The following DCC variants were observed in gnomAD, a reference collection of about 807,000 sequenced individuals.
DCC encodes DCC netrin 1 receptor.
A neutral mutation model predicts 172.5 loss-of-function variants in DCC; 58 were observed. That is an observed-to-expected ratio of 0.34 (90% CI 0.27 to 0.42). The LOEUF (loss-of-function observed/expected upper bound fraction) is 0.42, where lower values mean the gene tolerates loss of function less well. DCC is among the 10% of genes least tolerant of loss of function. DCC has a pLI of 1.00. For missense variants in DCC, 1,740 were observed against 1,791.0 expected, an observed-to-expected ratio of 0.97 and a Z score of 0.51; for synonymous variants, 709 against 644.5, an observed-to-expected ratio of 1.10 and a Z score of -1.52.
At chr18:52,814,620 C>G (rs1044413745) in intron 2 of DCC, among the ~76,000 whole-genome samples, 18 of 152,266 alleles carry the variant, frequency 1.2e-4, no homozygotes, top group African/African-American at 4.1e-4. Flanking sequence ...AGTATTTACT[C>G]AAATGTAATA....
intron 14 of DCC, among the ~76,000 whole-genome samples, chr18:53,336,302 C>A (rs1194275938): frequency 6.6e-6 from 1 of 152,156 alleles, no homozygotes; most frequent in East Asian, 1.9e-4. Context: ...TTTTATAGTT[C>A]ATTCCAGTAG....
intron 5 of DCC, among the ~76,000 whole-genome samples, chr18:52,940,079 G>A (rs903228190): frequency 6.6e-6 from 1 of 152,152 alleles, no homozygotes; most frequent in Non-Finnish European, 1.5e-5. Flanking sequence ...AGGAAACTGT[G>A]CCTTAGTAAG....
intron 1 of DCC, among the ~76,000 whole-genome samples, chr18:52,505,227 C>T (rs1207823350): frequency 1.3e-5 from 2 of 152,138 alleles, no homozygotes; most frequent in African/African-American, 4.8e-5. Context: ...TATTCAGTTT[C>T]CACCTCAGTA....
chr18:53,124,359 A>C (rs1045071159), intron 7 of DCC, among the ~76,000 whole-genome samples: 2 of 152,104 alleles, frequency 1.3e-5, no homozygotes, highest in African/African-American at 4.8e-5. Flanking sequence ...ATACATAATA[A>C]ACAGGCAAAT....
chr18:53,368,918 T>C (rs910583848), intron 15 of DCC, among the ~76,000 whole-genome samples: 3 of 151,958 alleles, frequency 2.0e-5, no homozygotes, highest in Non-Finnish European at 4.4e-5. Flanking sequence ...TTTTGGCTAT[T>C]TGGACTCCTT....
chr18:52,986,022 T>C (rs761524128), intron 5 of DCC, among the ~76,000 whole-genome samples: 4 of 152,186 alleles, frequency 2.6e-5, no homozygotes, highest in Admixed American at 6.5e-5. Context: ...TTTGTTATTT[T>C]CTCAAGGTTT....
intron 15 of DCC, among the ~76,000 whole-genome samples, chr18:53,348,107 A>C (rs1446181906): frequency 2.0e-5 from 3 of 152,322 alleles, no homozygotes; most frequent in Non-Finnish European, 4.4e-5. Context: ...AAAAGTCCAC[A>C]GTCCAATGTC....
intron 2 of DCC, among the ~76,000 whole-genome samples, chr18:52,806,799 G>T (rs12970827): frequency 1.1e-3 from 165 of 152,074 alleles, no homozygotes; most frequent in Admixed American, 2.0e-3. Flanking sequence ...GAAGTTAGAG[G>T]TTCTTCAGAA....
At chr18:52,751,004 G>T (rs772741365) in intron 1 of DCC, among the ~76,000 whole-genome samples, 9 of 152,190 alleles carry the variant, frequency 5.9e-5, no homozygotes, top group Admixed American at 1.3e-4. Context: ...CATCTCTTCT[G>T]CATTTTCACA....
chr18:53,397,147 G>A (rs1909004345), intron 17 of DCC, among the ~76,000 whole-genome samples, 161 bp from the exon 18 acceptor site: 1 of 151,856 alleles, frequency 6.6e-6, no homozygotes, highest in South Asian at 2.1e-4. Context: ...GCGTGAACTG[G>A]TTAATAGATG....
intron 1 of DCC, among the ~76,000 whole-genome samples, chr18:52,471,672 A>G (rs1304176674): frequency 2.0e-5 from 3 of 152,204 alleles, no homozygotes; most frequent in Non-Finnish European, 4.4e-5. Context: ...GTGAACCTGT[A>G]GTAAATATAT....
chr18:52,984,225 T>G (rs2041257012), intron 5 of DCC, among the ~76,000 whole-genome samples: 1 of 152,130 alleles, frequency 6.6e-6, no homozygotes, highest in Non-Finnish European at 1.5e-5. Context: ...TGAGCTATTT[T>G]ATAGTTTCAT....
intron 7 of DCC, among the ~76,000 whole-genome samples, chr18:53,127,243 G>A (rs554850307): frequency 2.3e-4 from 34 of 150,344 alleles, no homozygotes; most frequent in Non-Finnish European, 4.4e-4. Flanking sequence ...TTGGCCTCAC[G>A]TGATCCTCCC....
At chr18:52,381,152 G>GA (rs958495596) in intron 1 of DCC, among the ~76,000 whole-genome samples, 1 of 151,772 alleles carries the variant, frequency 6.6e-6, no homozygotes, top group African/African-American at 2.4e-5. Flanking sequence ...GCCTCATTAA[G>GA]AAAAAAAATC....
intron 8 of DCC, among the ~76,000 whole-genome samples, chr18:53,173,357 C>G (rs892021142): frequency 6.6e-6 from 1 of 152,100 alleles, no homozygotes; most frequent in African/African-American, 2.4e-5. Context: ...ATACAGGGTG[C>G]TTTTTCTCTA....
intron 1 of DCC, among the ~76,000 whole-genome samples, chr18:52,556,452 C>T (rs766539814): frequency 2.0e-5 from 3 of 152,036 alleles, no homozygotes; most frequent in Non-Finnish European, 4.4e-5. Context: ...TGAAGGAGAA[C>T]AAACTTGGTA....
At chr18:53,320,352 A>G (rs1046680896) in intron 13 of DCC, among the ~76,000 whole-genome samples, 17 of 152,274 alleles carry the variant, frequency 1.1e-4, no homozygotes, top group South Asian at 6.2e-4. Context: ...GATTACAGGC[A>G]TGAGCCACCG....
At chr18:52,550,612 A>G (rs1488670317) in intron 1 of DCC, among the ~76,000 whole-genome samples, 2 of 152,112 alleles carry the variant, frequency 1.3e-5, no homozygotes, top group East Asian at 3.9e-4. Flanking sequence ...GCTCCAAGGT[A>G]CATATCCTAA....
chr18:52,634,863 A>T (rs1355307462), intron 1 of DCC, among the ~76,000 whole-genome samples: 5 of 152,136 alleles, frequency 3.3e-5, no homozygotes, highest in African/African-American at 9.7e-5. Context: ...TTAAATCCCT[A>T]GTATAGGGAA....
Sources: gnomAD v4.1 joint callset for allele counts (sites outside exome capture counted in the v4.1 genomes callset) on GRCh38, gnomAD v4.1.1 for gene constraint, MANE v1.5 for transcripts, NCBI Gene and HGNC (gene_info 2026-07-23, HGNC 2026-07-21) for gene names.